The following COL19A1 variants were observed in gnomAD, a reference collection of about 807,000 sequenced individuals.
The protein encoded by COL19A1 is collagen alpha-1(XIX) chain.
Under a neutral mutation model 190.2 loss-of-function variants are expected in COL19A1, and 159 were observed. The ratio of observed to expected loss-of-function variants is 0.84; its 90% confidence interval spans 0.73 to 0.95. The LOEUF (loss-of-function observed/expected upper bound fraction) is 0.95. COL19A1 is among the 40% of genes least tolerant of loss of function. The pLI, the probability that COL19A1 is intolerant of heterozygous loss-of-function variation, is 0.00. For synonymous variants in COL19A1, 509 were observed against 458.9 expected (o/e 1.11, Z -1.39); for missense variants, 1,418 against 1,431.9 (o/e 0.99, Z 0.16).
At chr6:70,051,721 C>A (rs982042093) in intron 14 of COL19A1, among the ~76,000 whole-genome samples, 2 of 150,786 alleles carry the variant, frequency 1.3e-5, no homozygotes, top group African/African-American at 5.0e-5. Flanking sequence ...TGGAAAGACC[C>A]ATTGTCTCTC....
intron 14 of COL19A1, among the ~76,000 whole-genome samples, chr6:70,043,193 C>CTTGTTTTT (rs1562113688): frequency 6.9e-6 from 1 of 145,320 alleles, no homozygotes; most frequent in Non-Finnish European, 1.5e-5. Flanking sequence ...ATTTCTTCTT[C>CTTGTTTTT]TTTTTTTTTT....
At chr6:70,110,419 G>T (rs1172401871) in intron 16 of COL19A1, among the ~76,000 whole-genome samples, 6 of 152,108 alleles carry the variant, frequency 3.9e-5, no homozygotes, top group Non-Finnish European at 8.8e-5. Flanking sequence ...AATGGGAATA[G>T]GAATTTCATT....
chr6:70,053,506 T>C (rs1780326887), intron 14 of COL19A1, among the ~76,000 whole-genome samples: 1 of 152,222 alleles, frequency 6.6e-6, no homozygotes, highest in African/African-American at 2.4e-5. Flanking sequence ...ATAACTAATC[T>C]TATTAATGCC....
chr6:69,871,437 C>T (rs6914372), intron 1 of COL19A1, among the ~76,000 whole-genome samples: 31,870 of 152,060 alleles, frequency 0.21, 3,503 homozygotes, highest in Admixed American at 0.25. Flanking sequence ...CACATTATTT[C>T]CCTTTATAAT....
chr6:70,184,929 T>C lies in COL19A1; in HGVS notation c.2856+14T>C. 6.2e-7 allele frequency: 1 copy of C among 1,607,430 alleles called. No homozygotes were observed. Among genetic ancestry groups the C allele is most frequent in the Non-Finnish European group, 8.5e-7 (1 of 1,176,670 alleles). On this transcript the variant is annotated intron_variant, in intron 46 of 50. Transcript: ENST00000620364. ...AAAGGAGAACGTGTATGTATATTAC[T>C]ATTGTGATTGTTATTCAAGTCTGTC... is the stretch of plus-strand genomic sequence containing the variant.
At chr6:69,902,402 A>C (rs1410004663) in intron 4 of COL19A1, among the ~76,000 whole-genome samples, 2 of 152,116 alleles carry the variant, frequency 1.3e-5, no homozygotes, top group African/African-American at 4.8e-5. Context: ...CCTAATGAGT[A>C]TGTTGGTCTG....
intron 4 of COL19A1, among the ~76,000 whole-genome samples, chr6:69,911,579 T>G (rs191581374): frequency 2.6e-5 from 4 of 152,250 alleles, no homozygotes; most frequent in Non-Finnish European, 4.4e-5. Flanking sequence ...CTGGTTGAAT[T>G]TGAGACTGAG....
Position 70,171,944 on chromosome 6 carries a change from C to T in COL19A1, c.2569-20C>T. The T allele has an allele frequency of 5.6e-6, 9 of 1,611,544 alleles. No individual in the cohort carries two copies. The highest frequency in any genetic ancestry group is 7.6e-6 in the Non-Finnish European group (9 of 1,178,574). On this transcript the variant is annotated intron_variant, in intron 40 of 50. Transcript: ENST00000620364. The stretch of plus-strand genomic sequence containing the variant: ...CATTTTGATTATTGCTCCTGCATTT[C>T]TTATGTTCATATTTAACAGGGAGAG...
chr6:70,084,478 C>T, intron 15 of COL19A1, among the ~76,000 whole-genome samples: 1 of 152,088 alleles, frequency 6.6e-6, no homozygotes, highest in South Asian at 2.1e-4. Flanking sequence ...TAACAAATGG[C>T]CAGAATACAA....
chr6:70,199,600 A>T lies in COL19A1; in HGVS notation c.3095-8A>T, dbSNP rs542222631. On this transcript the variant is annotated splice_region_variant and splice_polypyrimidine_tract_variant and intron_variant, in intron 48 of 50. Coordinates refer to ENST00000620364, the MANE Select transcript of COL19A1 (RefSeq NM_001858.6). ...TATGATATATTATTTTTTCTTCTAT[A>T]CATGAAGAGAGGATGGCTGTATTCC... 6 of 1,538,152 alleles carry T rather than the reference A, an allele frequency of 3.9e-6. No individual in the cohort carries two copies. The South Asian group carries it at 7.8e-5, about 20-fold the overall frequency.
chr6:70,039,008 C>T (rs566129781), intron 14 of COL19A1, among the ~76,000 whole-genome samples: 19 of 151,826 alleles, frequency 1.3e-4, no homozygotes, highest in African/African-American at 3.4e-4. Flanking sequence ...GAGCCGAGAT[C>T]GCGCCACTGC....
At position 70,010,514 on chromosome 6, in the gene COL19A1, G is replaced by A. The variant is rs1001130965; in HGVS notation, c.1027-13113G>A. Among the ~76,000 whole-genome samples the A allele has an allele frequency of 1.4e-4, 20 of 142,236 alleles. 1 individual carries two copies. The highest frequency in any genetic ancestry group is 7.6e-4 in the Admixed American group (11 of 14,484). The allele number at this position is 142,236 out of a possible 152,430, so 93.3% of individuals were successfully genotyped here. On this transcript the variant is annotated intron_variant, in intron 11 of 50. Coordinates refer to ENST00000620364, the MANE Select transcript of COL19A1 (RefSeq NM_001858.6). ...GCCAGTGTGTGTGCGCACCGTGCGCGAGCGGAAGCAGGGCGAGGCATTGCC... is the reference window on the plus strand; with the variant it reads ...GCCAGTGTGTGTGCGCACCGTGCGCAAGCGGAAGCAGGGCGAGGCATTGCC...
chr6:69,987,091 C>A (rs74488411), intron 11 of COL19A1, among the ~76,000 whole-genome samples: 2,336 of 152,022 alleles, frequency 0.015, 30 homozygotes, highest in Non-Finnish European at 0.025. Context: ...CCTTAAAAAT[C>A]TTTTTTTGTT....
At position 70,190,295 on chromosome 6, in the gene COL19A1, CT is replaced by C. The variant is rs559487703; in HGVS notation, c.3028-11del. 297 of 1,548,828 alleles carry C rather than the reference CT, an allele frequency of 1.9e-4. 4 individuals carry two copies. Among genetic ancestry groups the C allele is most frequent in the South Asian group, 1.6e-3 (138 of 86,880 alleles). ...TTGTGCTATGCTCTATTTTAACAACCTTTTTTTTTCCTTCTTCAGGCTGATG... is the reference window on the plus strand; with the variant it reads ...TTGTGCTATGCTCTATTTTAACAACCTTTTTTTTCCTTCTTCAGGCTGATG... On this transcript the variant is annotated intron_variant, in intron 47 of 50. Transcript: ENST00000620364.
intron 9 of COL19A1, among the ~76,000 whole-genome samples, chr6:69,940,723 C>G (rs1400407182): frequency 6.6e-6 from 1 of 152,056 alleles, no homozygotes; most frequent in Non-Finnish European, 1.5e-5. Flanking sequence ...GTGTATTTCC[C>G]TTATCTTTTC....
intron 34 of COL19A1, among the ~76,000 whole-genome samples, chr6:70,158,904 T>A (rs1454063691): frequency 1.3e-5 from 2 of 152,152 alleles, no homozygotes. Flanking sequence ...TCTTTAATGA[T>A]CATCTTGTCT....
chr6:69,922,079 C>T (rs1426041955), intron 4 of COL19A1, among the ~76,000 whole-genome samples: 1 of 152,008 alleles, frequency 6.6e-6, no homozygotes, highest in Non-Finnish European at 1.5e-5. Flanking sequence ...TATTCTGTGT[C>T]ACGTTAAGTG....
intron 9 of COL19A1, among the ~76,000 whole-genome samples, chr6:69,940,993 G>A (rs139545614): frequency 2.6e-4 from 39 of 152,282 alleles, no homozygotes; most frequent in Non-Finnish European, 4.4e-4. Flanking sequence ...ATTAGAGCAG[G>A]TGCACAAAAT....
intron 23 of COL19A1, among the ~76,000 whole-genome samples, chr6:70,143,600 C>T (rs1239158147): frequency 2.0e-5 from 3 of 151,928 alleles, no homozygotes; most frequent in Admixed American, 6.6e-5. Flanking sequence ...CCATGCTCAC[C>T]GCTTGAGCCT....
Sources: allele counts gnomAD v4.1 joint callset (sites outside exome capture counted in the v4.1 genomes callset), GRCh38; gene constraint gnomAD v4.1.1; transcripts MANE v1.5; gene names NCBI Gene and HGNC (gene_info 2026-07-23, HGNC 2026-07-21).